The following SRRM4 variants were observed in gnomAD, a reference collection of about 807,000 sequenced individuals.
SRRM4 encodes the protein serine/arginine repetitive matrix protein 4.
SRRM4 carries 33 observed loss-of-function variants against 68.9 expected under a neutral mutation model. That is an observed-to-expected ratio of 0.48 (90% confidence interval 0.36 to 0.64). The LOEUF (loss-of-function observed/expected upper bound fraction) is 0.64. Ranked by LOEUF, SRRM4 falls within the 30% of genes least tolerant of loss-of-function variation. The pLI is 0.00. For missense variants in SRRM4, 817 were observed against 827.1 expected (o/e 0.99, Z 0.15); for synonymous variants, 318 against 318.8 (o/e 1.00, Z 0.03).
intron 1 of SRRM4, 136 bp from the exon 2 acceptor site, chr12:119,102,100 G>A (rs1050889963): frequency 2.4e-6 from 2 of 819,070 alleles, no homozygotes; most frequent in Non-Finnish European, 3.7e-6. Context: ...AGAGACCATT[G>A]GCCAAAGATA....
At chr12:119,014,259 T>C (rs1953467887) in intron 1 of SRRM4, among the ~76,000 whole-genome samples, 1 of 152,210 alleles carries the variant, frequency 6.6e-6, no homozygotes, top group South Asian at 2.1e-4. Context: ...TCTTCTGTCA[T>C]ATGTGTTGCC....
chr12:119,115,525 T>G (rs550574679), intron 3 of SRRM4, among the ~76,000 whole-genome samples: 78 of 152,126 alleles, frequency 5.1e-4, no homozygotes, highest in Non-Finnish European at 7.2e-4. Context: ...GGGCTTCAAC[T>G]CCAGGTTTTC....
chr12:119,120,322 C>T, intron 5 of SRRM4, 46 bp downstream of exon 5: 1 of 1,548,776 alleles, frequency 6.5e-7, no homozygotes, highest in South Asian at 1.2e-5. Context: ...TCTGCTTTCT[C>T]AGCCAGCTTG....
intron 1 of SRRM4, among the ~76,000 whole-genome samples, chr12:119,017,916 T>C (rs966236701): frequency 5.3e-5 from 8 of 152,230 alleles, no homozygotes; most frequent in Non-Finnish European, 1.2e-4. Flanking sequence ...CTCTGCCACA[T>C]ATGGGATATG....
intron 1 of SRRM4, among the ~76,000 whole-genome samples, chr12:118,986,683 G>C (rs1337251830): frequency 6.6e-6 from 1 of 152,148 alleles, no homozygotes; most frequent in Non-Finnish European, 1.5e-5. Flanking sequence ...TGGGCAAGTA[G>C]ACATGTTAGC....
intron 1 of SRRM4, among the ~76,000 whole-genome samples, chr12:119,045,373 G>T (rs374436502): frequency 1.4e-5 from 2 of 143,414 alleles, no homozygotes; most frequent in East Asian, 4.4e-4. Flanking sequence ...TGATGAAAAC[G>T]CCTCCCTTCC....
At chr12:119,006,481 C>T (rs1421065265) in intron 1 of SRRM4, among the ~76,000 whole-genome samples, 1 of 152,176 alleles carries the variant, frequency 6.6e-6, no homozygotes, top group Non-Finnish European at 1.5e-5. Context: ...AACCCAGCTT[C>T]CTGGACTCCC....
At position 119,075,711 on chromosome 12, in the gene SRRM4, T is replaced by C. The variant is rs566613226; in HGVS notation, c.132-26525T>C. Among the ~76,000 whole-genome samples the C allele has an allele frequency of 2.4e-4, 37 of 151,410 alleles. 1 individual carries two copies. In the East Asian group the frequency reaches 7.0e-3, roughly 29 times the overall value. ...GTGATGATGAAGATGGTGATGATGG[T>C]GATGTTGATGATGGTGGTGATGGTG... On this transcript the variant is annotated intron_variant, in intron 1 of 12. Coordinates refer to ENST00000267260, the MANE Select transcript of SRRM4 (RefSeq NM_194286.4).
chr12:118,987,253 CT>C (rs1953288316), intron 1 of SRRM4, among the ~76,000 whole-genome samples: 1 of 152,168 alleles, frequency 6.6e-6, no homozygotes, highest in African/African-American at 2.4e-5. Flanking sequence ...GAGCATGGCA[CT>C]GTGCCTGGTA....
At chr12:119,119,345 G>C (rs1954203168) in intron 4 of SRRM4, among the ~76,000 whole-genome samples, 1 of 151,824 alleles carries the variant, frequency 6.6e-6, no homozygotes, top group Admixed American at 6.6e-5. Context: ...CCAAAACCCA[G>C]TCCCTGCCCT....
At chr12:119,036,221 C>T (rs1263365746) in intron 1 of SRRM4, among the ~76,000 whole-genome samples, 1 of 152,158 alleles carries the variant, frequency 6.6e-6, no homozygotes, top group Non-Finnish European at 1.5e-5. Flanking sequence ...ACTCTATGAA[C>T]CAGTGCCACA....
chr12:119,156,922 C>T lies in SRRM4; in HGVS notation c.*124C>T. On this transcript the variant is annotated 3_prime_UTR_variant, in exon 13 of 13. Coordinates refer to ENST00000267260, the MANE Select transcript of SRRM4 (RefSeq NM_194286.4). The stretch of plus-strand genomic sequence containing the variant: ...CCTATACCTTGTCCTTCCTGCTTGC[C>T]TAGGGGAAGAGGAGAAGAGGGTAAG... The T allele has an allele frequency of 3.2e-6, 4 of 1,258,580 alleles. No individual in the cohort carries two copies. The highest frequency in any genetic ancestry group is 4.3e-6 in the Non-Finnish European group (4 of 938,758). The allele number at this position is 1,258,580 out of a possible 1,614,324, so 78.0% of individuals were successfully genotyped here. A position where few individuals can be genotyped will look rare whatever the true frequency, so the allele number is the denominator to read the frequency against.
chr12:119,160,566 T>C lies in SRRM4; in HGVS notation c.*3768T>C, dbSNP rs1592921773. Reference sequence around the variant, plus strand: ...AATGGGAGGGAGATGTGGCTTGAGGTCAAGCGCCATGCATCCCAAGCCTTT... The same window carrying C: ...AATGGGAGGGAGATGTGGCTTGAGGCCAAGCGCCATGCATCCCAAGCCTTT... On this transcript the variant is annotated 3_prime_UTR_variant, in exon 13 of 13. Transcript: ENST00000267260. The C allele has an allele frequency of 6.6e-6, 1 of 152,012 alleles. No individual in the cohort carries two copies. The highest frequency in any genetic ancestry group is 2.4e-5 in the African/African-American group (1 of 41,380). 9.4% of individuals were successfully genotyped at this position (152,012 alleles called of 1,614,324 possible).
intron 2 of SRRM4, among the ~76,000 whole-genome samples, chr12:119,102,908 T>C (rs1219733865): frequency 6.6e-6 from 1 of 152,186 alleles, no homozygotes; most frequent in Non-Finnish European, 1.5e-5. Flanking sequence ...GAGCACTGTA[T>C]ACACATACTC....
At chr12:118,991,353 A>T (rs1240949154) in intron 1 of SRRM4, among the ~76,000 whole-genome samples, 1 of 152,216 alleles carries the variant, frequency 6.6e-6, no homozygotes, top group East Asian at 1.9e-4. Flanking sequence ...TCCACTTTCC[A>T]GAGCTCAGAG....
At chr12:119,006,739 A>G (rs754378456) in intron 1 of SRRM4, among the ~76,000 whole-genome samples, 3 of 152,366 alleles carry the variant, frequency 2.0e-5, no homozygotes, top group Admixed American at 6.5e-5. Flanking sequence ...CTGCTGTGCA[A>G]TGGGAAATAC....
intron 8 of SRRM4, among the ~76,000 whole-genome samples, chr12:119,143,322 A>G: frequency 6.6e-6 from 1 of 152,240 alleles, no homozygotes; most frequent in East Asian, 1.9e-4. Flanking sequence ...CACAAGATAA[A>G]GTTTGGGGAA....
intron 1 of SRRM4, among the ~76,000 whole-genome samples, chr12:119,085,615 A>G (rs1312993961): frequency 6.6e-6 from 1 of 152,238 alleles, no homozygotes; most frequent in East Asian, 1.9e-4. Flanking sequence ...CATGTTGAGA[A>G]GTTTGGACCT....
At chr12:119,071,216 G>A (rs1231452956) in intron 1 of SRRM4, among the ~76,000 whole-genome samples, 1 of 152,182 alleles carries the variant, frequency 6.6e-6, no homozygotes, top group Non-Finnish European at 1.5e-5. Context: ...ATGCCTGAGA[G>A]ATAAATAAAT....
Sources: gnomAD v4.1 joint callset for allele counts (sites outside exome capture counted in the v4.1 genomes callset) on GRCh38, gnomAD v4.1.1 for gene constraint, MANE v1.5 for transcripts, NCBI Gene and HGNC (gene_info 2026-07-23, HGNC 2026-07-21) for gene names.